SUMF1: variants seen among roughly 807,000 people sequenced by gnomAD.
SUMF1 encodes the protein formylglycine-generating enzyme.
SUMF1 carries 48 observed loss-of-function variants against 47.6 expected under a neutral mutation model. The observed-to-expected ratio is 1.01, with a 90% CI of 0.80 to 1.28. SUMF1 has a LOEUF of 1.28. Among genes scored for constraint, SUMF1 ranks in the 50% most tolerant of loss-of-function variants. SUMF1 has a pLI of 0.00. For missense variants in SUMF1, 571 were observed against 485.4 expected (o/e 1.18, Z -1.66); for synonymous variants, 230 against 192.1 (o/e 1.20, Z -1.63).
chr3:4,442,121 C>T (rs1320726218), intron 3 of SUMF1, among the ~76,000 whole-genome samples: 3 of 152,198 alleles, frequency 2.0e-5, no homozygotes, highest in Non-Finnish European at 4.4e-5. Context: ...ACAGGCATTA[C>T]TGGAAAGCAT....
intron 8 of SUMF1, among the ~76,000 whole-genome samples, chr3:4,141,584 G>A (rs576297557): frequency 6.6e-6 from 1 of 152,178 alleles, no homozygotes; most frequent in Admixed American, 6.5e-5. Flanking sequence ...GATTGCTTGA[G>A]CCCAGGAGTT....
At chr3:4,288,510 C>T (rs1027475645) in intron 8 of SUMF1, among the ~76,000 whole-genome samples, 6 of 152,102 alleles carry the variant, frequency 3.9e-5, no homozygotes, top group African/African-American at 1.2e-4. Flanking sequence ...ATTGAATACC[C>T]GCTAACCTAG....
chr3:4,281,980 T>G (rs1697538930), intron 8 of SUMF1, among the ~76,000 whole-genome samples: 1 of 152,200 alleles, frequency 6.6e-6, no homozygotes, highest in African/African-American at 2.4e-5. Context: ...TGAAGAAGAT[T>G]GTATAGGTAT....
chr3:4,418,011 T>A lies in SUMF1; in HGVS notation c.724A>T (p.Arg242Ter), dbSNP rs753345409. 6.2e-7 allele frequency: 1 copy of A among 1,613,904 alleles called. No homozygotes were observed. Among genetic ancestry groups the A allele is most frequent in the South Asian group, 1.1e-5 (1 of 91,066 alleles). Residue 242 changes from arginine (R) to a stop codon, truncating the protein, a stop_gained and splice_region_variant, in exon 5 of 9, where the codon AGA (arginine) becomes TGA (stop). Coordinates refer to ENST00000272902, the MANE Select transcript of SUMF1 (RefSeq NM_182760.4). LOFTEE classifies it high-confidence loss of function. ...EYSCRGGLHN[R>*]LFPWGNKLQP... Reference sequence around the variant, plus strand: ...GGCAAAATGAGATCCTCTAAATACCTATTATGCAGGCCTCCTCGACAGCTG... The same window carrying A: ...GGCAAAATGAGATCCTCTAAATACCAATTATGCAGGCCTCCTCGACAGCTG...
chr3:4,399,593 A>T (rs1380952165), intron 7 of SUMF1, among the ~76,000 whole-genome samples: 5 of 152,220 alleles, frequency 3.3e-5, no homozygotes, highest in Non-Finnish European at 5.9e-5. Flanking sequence ...GTGCGGGAAC[A>T]TTTAGGGTTA....
At chr3:4,278,110 G>C (rs911612442) in intron 8 of SUMF1, among the ~76,000 whole-genome samples, 1 of 151,774 alleles carries the variant, frequency 6.6e-6, no homozygotes. Flanking sequence ...GATATTTTTG[G>C]CACGTTTATT....
intron 8 of SUMF1, among the ~76,000 whole-genome samples, chr3:4,127,329 A>C (rs1021404508): frequency 1.3e-5 from 2 of 152,160 alleles, no homozygotes; most frequent in African/African-American, 4.8e-5. Context: ...GATCGGAATG[A>C]AGAATACAAA....
intron 8 of SUMF1, chr3:4,313,065 A>G (rs2125098044): frequency 6.2e-7 from 1 of 1,613,932 alleles, no homozygotes. Flanking sequence ...TAGGATCTGG[A>G]GGAAAGTATG....
In SUMF1 at chr3:4,169,665, G is replaced by A. The variant is rs544017355; in HGVS notation, c.1015-100920C>T. On this transcript the variant is annotated intron_variant and NMD_transcript_variant, in intron 8 of 12. Transcript: ENST00000448413. ...GCCCTAACAAACTAATGCAATCACC[G>A]TTACCAATACCCCGTTTGGGGCTGA... is the stretch of plus-strand genomic sequence containing the variant. Among the ~76,000 whole-genome samples, 30 of 152,108 alleles carry A rather than the reference G, an allele frequency of 2.0e-4. 1 individual carries two copies. The highest frequency in any genetic ancestry group is 5.9e-4 in the Admixed American group (9 of 15,258).
At chr3:4,046,071 T>C (rs546541036) in intron 9 of SUMF1, among the ~76,000 whole-genome samples, 3 of 152,086 alleles carry the variant, frequency 2.0e-5, no homozygotes, top group East Asian at 1.9e-4. Context: ...AAAAAAAAGA[T>C]TGAGTCCAGA....
chr3:4,042,230 CAT>C (rs2125018211), intron 9 of SUMF1, among the ~76,000 whole-genome samples: 1 of 152,252 alleles, frequency 6.6e-6, no homozygotes, highest in East Asian at 1.9e-4. Context: ...TAAAATTCAA[CAT>C]AAATACAAAT....
At chr3:4,154,513 C>T (rs1331631448) in intron 8 of SUMF1, among the ~76,000 whole-genome samples, 1 of 151,522 alleles carries the variant, frequency 6.6e-6, no homozygotes, top group Non-Finnish European at 1.5e-5. Flanking sequence ...AAGCTGGGGA[C>T]TATTATCTCT....
chr3:4,406,072 T>G (rs1163779451), intron 7 of SUMF1, among the ~76,000 whole-genome samples: 1 of 152,064 alleles, frequency 6.6e-6, no homozygotes, highest in Non-Finnish European at 1.5e-5. Flanking sequence ...CCCATGCTTC[T>G]AAAGGCCAGC....
rs111694713 is a variant in SUMF1 at position 4,340,938 on chromosome 3, CA to C, written c.1014+35391del. Reference sequence around the variant, plus strand: ...AAAAAGATTAACTTGCTAATTGCTTCAATTTTTTTTCTTTTTTCTTCTTCTA... The same window carrying C: ...AAAAAGATTAACTTGCTAATTGCTTCATTTTTTTTCTTTTTTCTTCTTCTA... On this transcript the variant is annotated intron_variant and NMD_transcript_variant, in intron 8 of 12. Coordinates refer to the SUMF1 transcript ENST00000448413. Among the ~76,000 whole-genome samples, 6 of 151,958 alleles carry C rather than the reference CA, an allele frequency of 3.9e-5. 1 individual carries two copies. The highest frequency in any genetic ancestry group is 1.9e-4 in the East Asian group (1 of 5,192).
chr3:4,133,173 A>G lies in SUMF1; in HGVS notation c.1015-64428T>C, dbSNP rs1693832573. Among the ~76,000 whole-genome samples, 6 of 152,202 alleles carry G rather than the reference A, an allele frequency of 3.9e-5. 1 individual carries two copies. The highest frequency in any genetic ancestry group is 3.9e-4 in the Admixed American group (6 of 15,282). ...TTTGTGCATGTATACACTTGTACTA[A>G]GAAAAATCTTCATTTTATTTCCTTT... On this transcript the variant is annotated intron_variant and NMD_transcript_variant, in intron 8 of 12. Transcript: ENST00000448413.
chr3:4,086,809 A>C (rs1375424638), intron 8 of SUMF1, among the ~76,000 whole-genome samples: 4 of 151,984 alleles, frequency 2.6e-5, no homozygotes, highest in African/African-American at 9.7e-5. Context: ...GTCTCATGAA[A>C]TCTGACGGTT....
rs369575577 is a variant in SUMF1 at position 4,207,826 on chromosome 3, A to C, written c.1015-139081T>G. Reference sequence around the variant, plus strand: ...ACAACTTACTAGAACAGAAACTCACAAGAAGAAATTCTGTGCAGAACCAGT... The same window carrying C: ...ACAACTTACTAGAACAGAAACTCACCAGAAGAAATTCTGTGCAGAACCAGT... On this transcript the variant is annotated intron_variant and NMD_transcript_variant, in intron 8 of 12. Transcript: ENST00000448413. 4.5e-4 allele frequency among the ~76,000 whole-genome samples: 68 copies of C among 152,296 alleles called. 3 individuals are homozygous for C. The East Asian group carries it at 9.3e-3, about 21-fold the overall frequency.
intron 8 of SUMF1, among the ~76,000 whole-genome samples, chr3:4,324,280 T>G (rs1384621973): frequency 6.6e-6 from 1 of 152,160 alleles, no homozygotes; most frequent in Non-Finnish European, 1.5e-5. Context: ...TTGGTATCAT[T>G]GTTAATAGAA....
At chr3:4,382,881 G>A (rs1700552519) in intron 7 of SUMF1, among the ~76,000 whole-genome samples, 1 of 152,074 alleles carries the variant, frequency 6.6e-6, no homozygotes, top group African/African-American at 2.4e-5. Context: ...GAGAACACAT[G>A]GACACAGGGA....
Sources: allele counts gnomAD v4.1 joint callset (sites outside exome capture counted in the v4.1 genomes callset), GRCh38; gene constraint gnomAD v4.1.1; transcripts MANE v1.5; gene names NCBI Gene and HGNC (gene_info 2026-07-23, HGNC 2026-07-21).